Variants in NMBR observed in about 807,000 individuals in gnomAD.
NMBR encodes the protein neuromedin B receptor.
NMBR carries 16 observed loss-of-function variants against 20.5 expected under a neutral mutation model. The observed-to-expected ratio is 0.78, with a 90% CI of 0.53 to 1.19. The LOEUF is 1.19. NMBR is among the 50% of genes most tolerant of loss of function. NMBR has a pLI of 0.00. For synonymous variants in NMBR, 212 were observed against 196.6 expected, an observed-to-expected ratio of 1.08 and a Z score of -0.65; for missense variants, 582 against 499.1, an observed-to-expected ratio of 1.17 and a Z score of -1.58.
At position 142,144,041 on chromosome 6, in the gene NMBR, C is replaced by T. The variant is rs1277146563; in HGVS notation, c.-664+3003G>A. ...AAATGTGCCGGAACAATTAAATATCCGTGTTTAAAACATAAAATGCAATGT... is the reference window on the plus strand; with the variant it reads ...AAATGTGCCGGAACAATTAAATATCTGTGTTTAAAACATAAAATGCAATGT... On this transcript the variant is annotated intron_variant, in intron 1 of 3. Coordinates refer to ENST00000258042, the MANE Select transcript of NMBR (RefSeq NM_002511.4). Among the ~76,000 whole-genome samples the T allele has an allele frequency of 3.9e-5, 6 of 152,132 alleles. No individual in the cohort carries two copies. In the East Asian group the frequency reaches 7.7e-4, roughly 20 times the overall value.
intron 2 of NMBR, among the ~76,000 whole-genome samples, chr6:142,083,849 G>T (rs1383048876): frequency 6.6e-6 from 1 of 152,176 alleles, no homozygotes; most frequent in African/African-American, 2.4e-5. Context: ...ATTTCAGGTA[G>T]TTCTTTATAG....
At chr6:142,132,137 T>C (rs985623699) in intron 1 of NMBR, among the ~76,000 whole-genome samples, 1 of 152,212 alleles carries the variant, frequency 6.6e-6, no homozygotes, top group African/African-American at 2.4e-5. Flanking sequence ...TACAAATACA[T>C]GTATCATGCA....
At chr6:142,092,465 T>C (rs1037211020) in intron 1 of NMBR, among the ~76,000 whole-genome samples, 1 of 151,980 alleles carries the variant, frequency 6.6e-6, no homozygotes, top group African/African-American at 2.4e-5. Flanking sequence ...TAGAAGAAAA[T>C]ATTAAAGAAT....
rs114247649 is a variant in NMBR, at chr6:142,081,303, T to C, written c.423-2400A>G. On this transcript the variant is annotated intron_variant, in intron 2 of 3. Coordinates refer to ENST00000258042, the MANE Select transcript of NMBR (RefSeq NM_002511.4). The stretch of plus-strand genomic sequence containing the variant: ...TTTGGCCAACATAAACATTATATCA[T>C]AGCATGCATTATAACTATAAAAGAT... Among the ~76,000 whole-genome samples the C allele has an allele frequency of 1.6e-3, 241 of 152,284 alleles. 2 individuals carry two copies. The highest frequency in any genetic ancestry group is 5.4e-3 in the African/African-American group (224 of 41,554).
chr6:142,075,716 C>T lies in NMBR; in HGVS notation c.1105G>A (p.Ala369Thr). 6.2e-7 allele frequency: 1 copy of T among 1,613,970 alleles called. No homozygotes were observed. The highest frequency in any genetic ancestry group is 8.5e-7 in the Non-Finnish European group (1 of 1,179,888). ...AVRMTSLKSN[A>T]KNMVTNSVLL... ...ACAGAATTGGTCACCATGTTCTTAGCATTGCTTTTCAGAGATGTCATACGC... is the reference window on the plus strand; with the variant it reads ...ACAGAATTGGTCACCATGTTCTTAGTATTGCTTTTCAGAGATGTCATACGC... The change falls in exon 4 of 4, where the codon GCT becomes ACT. Residue 369 changes from alanine (A) to threonine (T), a missense_variant. Physicochemically the swap from Ala to Thr is moderately conservative, Grantham distance 58 (BLOSUM62 0). Transcript: ENST00000258042.
chr6:142,122,138 C>A (rs1777954223), intron 1 of NMBR, among the ~76,000 whole-genome samples: 1 of 151,934 alleles, frequency 6.6e-6, no homozygotes. Context: ...AAGTCACTTT[C>A]CTTTCACCGC....
At chr6:142,091,183 G>A (rs766106931) in intron 1 of NMBR, among the ~76,000 whole-genome samples, 3 of 152,040 alleles carry the variant, frequency 2.0e-5, no homozygotes, top group Non-Finnish European at 4.4e-5. Flanking sequence ...TTAATAGAAT[G>A]CACACACATC....
At chr6:142,096,034 C>A (rs1035940834) in intron 1 of NMBR, among the ~76,000 whole-genome samples, 5 of 151,252 alleles carry the variant, frequency 3.3e-5, no homozygotes, top group Non-Finnish European at 5.9e-5. Context: ...CTATTTGATT[C>A]TTCTCTCTTT....
At chr6:142,087,568 AC>A (rs1290268572) in intron 2 of NMBR, among the ~76,000 whole-genome samples, 1 of 152,116 alleles carries the variant, frequency 6.6e-6, no homozygotes, top group Non-Finnish European at 1.5e-5. Flanking sequence ...GACACTTCAC[AC>A]CCTTAACATA....
At chr6:142,138,475 G>C (rs1313142151) in intron 1 of NMBR, among the ~76,000 whole-genome samples, 2 of 152,074 alleles carry the variant, frequency 1.3e-5, no homozygotes, top group Non-Finnish European at 2.9e-5. Context: ...TCATACTCTA[G>C]CACGTGAGCT....
At chr6:142,145,618 AG>A (rs76011985) in intron 1 of NMBR, among the ~76,000 whole-genome samples, 12,722 of 152,244 alleles carry the variant, frequency 0.084, 608 homozygotes, top group Admixed American at 0.15. Context: ...TATTACTTTA[AG>A]TTGTGGTAGA....
chr6:142,101,082 C>T (rs1352747702), intron 1 of NMBR, among the ~76,000 whole-genome samples: 1 of 152,020 alleles, frequency 6.6e-6, no homozygotes, highest in East Asian at 1.9e-4. Context: ...AGGAGATTTA[C>T]GGACAGAAAA....
intron 1 of NMBR, among the ~76,000 whole-genome samples, chr6:142,128,809 T>C (rs185632368): frequency 1.4e-3 from 214 of 151,766 alleles, no homozygotes; most frequent in Non-Finnish European, 2.3e-3. Flanking sequence ...TTCTGGGATG[T>C]TGCCCTGTAG....
At chr6:142,139,253 C>T (rs1475207520) in intron 1 of NMBR, among the ~76,000 whole-genome samples, 2 of 152,108 alleles carry the variant, frequency 1.3e-5, no homozygotes, top group Non-Finnish European at 2.9e-5. Context: ...CATTATTGCC[C>T]AATCATAGAT....
At chr6:142,100,994 CA>C (rs1327511197) in intron 1 of NMBR, among the ~76,000 whole-genome samples, 1 of 152,106 alleles carries the variant, frequency 6.6e-6, no homozygotes, top group Non-Finnish European at 1.5e-5. Context: ...TTTAAATGAG[CA>C]GAGAACAATT....
chr6:142,099,705 TTAA>T (rs1582846671), intron 1 of NMBR, among the ~76,000 whole-genome samples: 1 of 152,270 alleles, frequency 6.6e-6, no homozygotes, highest in East Asian at 1.9e-4. Flanking sequence ...TCAGCTATAC[TTAA>T]TAACTTATTC....
At chr6:142,098,582 C>T (rs2114578246) in intron 1 of NMBR, among the ~76,000 whole-genome samples, 1 of 152,122 alleles carries the variant, frequency 6.6e-6, no homozygotes. Flanking sequence ...TTTACAGTCA[C>T]CCTGAAATAT....
intron 3 of NMBR, among the ~76,000 whole-genome samples, chr6:142,077,037 C>T (rs1776964737): frequency 6.6e-6 from 1 of 152,184 alleles, no homozygotes; most frequent in Admixed American, 6.5e-5. Flanking sequence ...ATGTGATGTT[C>T]CACATGGATC....
chr6:142,138,966 A>T (rs928807684), intron 1 of NMBR, among the ~76,000 whole-genome samples: 3 of 152,136 alleles, frequency 2.0e-5, no homozygotes, highest in Non-Finnish European at 2.9e-5. Context: ...TTTTGCCCCA[A>T]TACTAAGGAA....
Sources: gnomAD v4.1 joint callset for allele counts (sites outside exome capture counted in the v4.1 genomes callset) on GRCh38, gnomAD v4.1.1 for gene constraint, MANE v1.5 for transcripts, NCBI Gene and HGNC (gene_info 2026-07-23, HGNC 2026-07-21) for gene names.